Variants in MAST3 observed in about 807,000 individuals in gnomAD.
MAST3 encodes the protein microtubule-associated serine/threonine-protein kinase 3.
A neutral mutation model predicts 127.0 loss-of-function variants in MAST3; 43 were observed. The ratio of observed to expected loss-of-function variants is 0.34; its 90% CI spans 0.27 to 0.44. The LOEUF (loss-of-function observed/expected upper bound fraction) is 0.44, where lower values mean the gene tolerates loss of function less well. MAST3 is among the 20% of genes least tolerant of loss of function. The probability of loss-of-function intolerance (pLI) is 1.00; values close to 1 mark genes in which losing one functional copy is unlikely to be tolerated. For synonymous variants in MAST3, 785 were observed against 809.2 expected (o/e 0.97, Z 0.51); for missense variants, 1,390 against 1,919.1 (o/e 0.72, Z 5.15).
In MAST3 at chr19:18,145,360, C is replaced by A. The variant is rs967235176; in HGVS notation, c.3039+131C>A. The A allele has an allele frequency of 6.1e-6, 5 of 825,710 alleles. No individual in the cohort carries two copies. Among genetic ancestry groups the A allele is most frequent in the Non-Finnish European group, 9.9e-6 (5 of 505,150 alleles). The allele number at this position is 825,710 out of a possible 1,614,324, so 51.1% of individuals were successfully genotyped here. Reference sequence around the variant, plus strand: ...AGAGCTGGTGCCACCGAGTTCATCTCGGTCCCTGTCATTTGGCAGGGAGGA... The same window carrying A: ...AGAGCTGGTGCCACCGAGTTCATCTAGGTCCCTGTCATTTGGCAGGGAGGA... On this transcript the variant is annotated intron_variant, in intron 24 of 27. Transcript: ENST00000687212. The surrounding 1 kb of genome is among the most constrained non-coding windows in gnomAD (Gnocchi z 5.9).
intron 18 of MAST3, 23 bp downstream of exon 18, chr19:18,135,864 C>G (rs556590503): frequency 6.4e-7 from 1 of 1,566,806 alleles, no homozygotes; most frequent in East Asian, 2.3e-5. Context: ...GGGGAGAACC[C>G]AGGTGGGTGG....
At chr19:18,136,978 C>T (rs2041957110) in intron 18 of MAST3, among the ~76,000 whole-genome samples, 1 of 152,116 alleles carries the variant, frequency 6.6e-6, no homozygotes, top group African/African-American at 2.4e-5. Flanking sequence ...CCAGCCACCA[C>T]ACCCGGCTAA....
In MAST3 at chr19:18,144,617, T is replaced by TGGCAGTGGTGGC. The variant is rs777180669; in HGVS notation, c.2745_2756dup (p.Gly917_Gly920dup). The TGGCAGTGGTGGC allele has an allele frequency of 2.5e-6, 4 of 1,611,600 alleles. No individual in the cohort carries two copies. The African/African-American group carries it at 5.3e-5, about 22-fold the overall frequency. Reference sequence around the variant, plus strand: ...AGAAGTCCAGAGCCTCCTCCAGCGGTGGCAGTGGTGGCGGCAGTGGGGGCC... The same window carrying TGGCAGTGGTGGC: ...AGAAGTCCAGAGCCTCCTCCAGCGGTGGCAGTGGTGGCGGCAGTGGTGGCGGCAGTGGGGGCC... On this transcript the variant is annotated inframe_insertion, in exon 23 of 28. Coordinates refer to ENST00000687212, the MANE Select transcript of MAST3 (RefSeq NM_001393504.1). This position sits in a 1 kb window ranked among gnomAD's most constrained non-coding sequence, Gnocchi z 4.0.
intron 27 of MAST3, 37 bp downstream of exon 27, chr19:18,147,661 CT>C (rs2043171716): frequency 2.8e-6 from 4 of 1,435,426 alleles, no homozygotes; most frequent in Non-Finnish European, 3.7e-6. Flanking sequence ...CCCGGCTACC[CT>C]GGGAGCAAGG....
At chr19:18,137,453 C>T (rs565183509) in intron 19 of MAST3, 92 bp downstream of exon 19, 58 of 1,407,034 alleles carry the variant, frequency 4.1e-5, no homozygotes, top group East Asian at 7.0e-5. Flanking sequence ...GCATTCCACC[C>T]GAGCTTGGCA....
In MAST3 at chr19:18,143,909, C is replaced by T. The variant is rs1599889706; in HGVS notation, c.2486C>T (p.Pro829Leu). 2.5e-6 allele frequency: 4 copies of T among 1,613,626 alleles called. No homozygotes were observed. Among genetic ancestry groups the T allele is most frequent in the South Asian group, 1.1e-5 (1 of 90,982 alleles). ...TCATCAGAGGATGAGGGGGTAGGCC[C>T]AGGCCCTGCAGGCCCCAAGAGGCCC... ...AFSSEDEGVG[P>L]GPAGPKRPVF... Residue 829 changes from proline to leucine, a missense_variant, in exon 22 of 28, where the codon CCA becomes CTA. This residue lies in a region of MAST3 where 816 missense variants were observed against 934.1 expected (regional missense o/e 0.87). Coordinates refer to ENST00000687212, the MANE Select transcript of MAST3 (RefSeq NM_001393504.1).
At position 18,144,691 on chromosome 19, in the gene MAST3, C is replaced by T; in HGVS notation, c.2810C>T (p.Ala937Val). Residue 937 changes from alanine to valine, a missense_variant and splice_region_variant, in exon 23 of 28, where the codon GCA becomes GTA. Physicochemically the swap from Ala to Val is moderately conservative, Grantham distance 64 (BLOSUM62 0). Around this residue, in one of 5 missense-constraint regions of MAST3, gnomAD observed 816 missense variants for 934.1 expected, o/e 0.87. Transcript: ENST00000687212. The surrounding 1 kb of genome is among the most constrained non-coding windows in gnomAD (Gnocchi z 4.0). ...TCTGCCCTGTCCCTCATCATCACGG[C>T]AGGTAATGCCCAAGGCCCCTCTCAC... ...SVSALSLIIT[A>V]DDGSGGPLMS... The T allele has an allele frequency of 6.2e-7, 1 of 1,606,748 alleles. No homozygotes were observed. Among genetic ancestry groups the T allele is most frequent in the Non-Finnish European group, 8.5e-7 (1 of 1,179,810 alleles).
chr19:18,097,843 G>C lies in MAST3; in HGVS notation c.39+12G>C, dbSNP rs909109157. 1.6e-6 allele frequency: 2 copies of C among 1,228,060 alleles called. No individual in the cohort carries two copies. The highest frequency in any genetic ancestry group is 2.0e-6 in the Non-Finnish European group (2 of 985,732). The allele number at this position is 1,228,060 out of a possible 1,614,324, so 76.1% of individuals were successfully genotyped here. ...GCCGCGGGCTCCAGGTGAGGCCCCT[G>C]CGCGGGCGGGCGGAAGGCAGAGGGC... On this transcript the variant is annotated intron_variant, in intron 1 of 27. Transcript: ENST00000687212.
At position 18,151,233 on chromosome 19, in the gene MAST3, T is replaced by C. The variant is rs2043500800; in HGVS notation, c.*1507T>C. The C allele has an allele frequency of 6.6e-6, 1 of 152,226 alleles. No individual in the cohort carries two copies. The allele number at this position is 152,226 out of a possible 1,614,324, so 9.4% of individuals were successfully genotyped here. On this transcript the variant is annotated 3_prime_UTR_variant, in exon 28 of 28. Transcript: ENST00000687212. ...CAAGACTAATCCCATTGACTGTTTATTAAGCACCTACTGTGTGCCAAGCGC... is the reference window on the plus strand; with the variant it reads ...CAAGACTAATCCCATTGACTGTTTACTAAGCACCTACTGTGTGCCAAGCGC...
intron 5 of MAST3, chr19:18,122,182 A>G (rs2040070882): frequency 1.1e-6 from 1 of 942,682 alleles, no homozygotes; most frequent in Non-Finnish European, 1.3e-6. Flanking sequence ...AGCCCTAAGA[A>G]TCATTAACTC....
rs2042775780 is a variant in MAST3 at position 18,143,960 on chromosome 19, C to T, written c.2537C>T (p.Pro846Leu). The change falls in exon 22 of 28, where the codon CCC becomes CTC. Residue 846 changes from proline to leucine, a missense_variant. Pro to Leu is a moderately conservative substitution (Grantham distance 98, BLOSUM62 -3). Around this residue, in one of 5 missense-constraint regions of MAST3, gnomAD observed 816 missense variants for 934.1 expected, o/e 0.87. Transcript: ENST00000687212. ...GTCTTCATTCTAGGGGAGCCTGACC[C>T]CCCACCAGCGGCCACCCCAGTGATG... Reference protein sequence around the residue: ...RPVFILGEPDPPPAATPVMPK... With the variant: ...RPVFILGEPDLPPAATPVMPK... The T allele has an allele frequency of 1.3e-6, 2 of 1,599,554 alleles. No homozygotes were observed. Among genetic ancestry groups the T allele is most frequent in the Non-Finnish European group, 1.7e-6 (2 of 1,173,290 alleles).
Position 18,106,658 on chromosome 19 carries a change from G to A in MAST3, c.40-929G>A, listed in dbSNP as rs564580759. On this transcript the variant is annotated intron_variant, in intron 1 of 27. Transcript: ENST00000687212. ...GTGACCTCGGCTCACTGCAACCTCC[G>A]CCTCCCGGGTTCAAGCGATTCTCCT... Among the ~76,000 whole-genome samples the A allele has an allele frequency of 6.2e-4, 94 of 151,488 alleles. 1 individual carries two copies. In the Middle Eastern group the frequency reaches 0.014, roughly 22 times the overall value.
At chr19:18,131,615 C>T (rs1260475227) in intron 14 of MAST3, among the ~76,000 whole-genome samples, 1 of 142,900 alleles carries the variant, frequency 7.0e-6, no homozygotes, top group Admixed American at 6.9e-5. Context: ...AGGAGACTCG[C>T]TTGAACCCGG....
In MAST3 at chr19:18,145,570, G is replaced by C. The variant is rs1220821199; in HGVS notation, c.3040-173G>C. Among the ~76,000 whole-genome samples, 1 of 149,970 alleles carries C rather than the reference G, an allele frequency of 6.7e-6. No individual in the cohort carries two copies. On this transcript the variant is annotated intron_variant, in intron 24 of 27. Transcript: ENST00000687212. The surrounding 1 kb of genome is among the most constrained non-coding windows in gnomAD (Gnocchi z 5.9). The stretch of plus-strand genomic sequence containing the variant: ...GACACAGAAGGCTTTCTGGAGAAGG[G>C]GGCGTAGGAGCTGGGGCTTTGATGG...
At chr19:18,140,649 T>G (rs1179857988) in intron 20 of MAST3, among the ~76,000 whole-genome samples, 10 of 152,186 alleles carry the variant, frequency 6.6e-5, no homozygotes, top group Admixed American at 6.6e-4. Flanking sequence ...TCATCCCTAC[T>G]GCAGTGTGGA....
At chr19:18,124,598 A>T (rs2040378245) in intron 10 of MAST3, 44 bp from the exon 11 acceptor site, 4 of 1,527,844 alleles carry the variant, frequency 2.6e-6, no homozygotes, top group Non-Finnish European at 3.5e-6. Flanking sequence ...AGAGGCCTGC[A>T]GGTGGAACCA....
At chr19:18,109,938 T>A in intron 2 of MAST3, 1 of 983,016 alleles carries the variant, frequency 1.0e-6, no homozygotes, top group South Asian at 4.7e-5. Context: ...AGAGGCGGGG[T>A]CAGGCCATGG....
At chr19:18,135,012 G>A in intron 17 of MAST3, 30 bp downstream of exon 17, 1 of 1,564,950 alleles carries the variant, frequency 6.4e-7, no homozygotes, top group Non-Finnish European at 8.7e-7. Flanking sequence ...CTGGGTTTGA[G>A]CTGCAGCCCC....
intron 17 of MAST3, among the ~76,000 whole-genome samples, 189 bp downstream of exon 17, chr19:18,135,171 A>G (rs2041762686): frequency 6.6e-6 from 1 of 152,040 alleles, no homozygotes; most frequent in Non-Finnish European, 1.5e-5. Context: ...GCTTCACTGA[A>G]GTGACTTGTG....
Sources: gnomAD v4.1 joint callset for allele counts (sites outside exome capture counted in the v4.1 genomes callset) on GRCh38, gnomAD v4.1.1 for gene constraint, gnomAD v4.1.1 regional missense constraint, Gnocchi (gnomAD v3.1) non-coding constraint, MANE v1.5 for transcripts, NCBI Gene and HGNC (gene_info 2026-07-23, HGNC 2026-07-21) for gene names.